LOC128092253: variants seen among roughly 807,000 people sequenced by gnomAD.
At chr6:133,977,941 C>T in the LOC128092253 span, among the ~76,000 whole-genome samples, 1 of 152,314 alleles carries the variant, frequency 6.6e-6, no homozygotes, top group South Asian at 2.1e-4. Context: ...GTTGGTTGCT[C>T]TAAGTAGACT....
At chr6:133,968,010 TC>T in the LOC128092253 span, among the ~76,000 whole-genome samples, 1 of 151,212 alleles carries the variant, frequency 6.6e-6, no homozygotes, top group Non-Finnish European at 1.5e-5. Flanking sequence ...GTGACTATTT[TC>T]TTTTTTTTTT....
At chr6:133,961,474 T>C in the LOC128092253 span, among the ~76,000 whole-genome samples, 1 of 146,692 alleles carries the variant, frequency 6.8e-6, no homozygotes, top group Non-Finnish European at 1.5e-5. Context: ...TCTTTTTTTT[T>C]TTTTTTTTTT....
the LOC128092253 span, among the ~76,000 whole-genome samples, chr6:133,975,526 A>G: frequency 1.3e-5 from 2 of 152,342 alleles, no homozygotes; most frequent in Middle Eastern, 3.4e-3. Context: ...AAAAGAAAAA[A>G]GAAATAAGCC....
At chr6:133,979,534 TAA>T in the LOC128092253 span, among the ~76,000 whole-genome samples, 1 of 152,130 alleles carries the variant, frequency 6.6e-6, no homozygotes, top group Admixed American at 6.6e-5. Context: ...TCCTGTCAAG[TAA>T]AAGTTACTTT....
chr6:133,957,631 T>A, the LOC128092253 span, among the ~76,000 whole-genome samples: 2 of 152,226 alleles, frequency 1.3e-5, no homozygotes, highest in South Asian at 4.1e-4. Flanking sequence ...TTGGGATTGG[T>A]ACAACACTTA....
chr6:133,970,754 C>G, the LOC128092253 span, among the ~76,000 whole-genome samples: 1 of 152,032 alleles, frequency 6.6e-6, no homozygotes, highest in South Asian at 2.1e-4. Context: ...GCATGCACCA[C>G]CATACCTGGC....
At chr6:133,974,773 C>G in the LOC128092253 span, among the ~76,000 whole-genome samples, 1 of 152,198 alleles carries the variant, frequency 6.6e-6, no homozygotes, top group Non-Finnish European at 1.5e-5. Flanking sequence ...CTCACACTTT[C>G]AACATCGTTT....
the LOC128092253 span, among the ~76,000 whole-genome samples, chr6:133,971,579 GTGTTGTTGTTGT>G: frequency 2.0e-5 from 3 of 150,936 alleles, no homozygotes; most frequent in African/African-American, 7.3e-5. Flanking sequence ...CAATACATAG[GTGTTGTTGTTGT>G]TGTTGTTGTT....
the LOC128092253 span, among the ~76,000 whole-genome samples, chr6:133,971,712 GT>G: frequency 6.6e-6 from 1 of 151,934 alleles, no homozygotes; most frequent in Admixed American, 6.6e-5. Flanking sequence ...TCATATACCT[GT>G]TGGCCATTGG....
At chr6:133,973,183 G>T in the LOC128092253 span, among the ~76,000 whole-genome samples, 1 of 152,152 alleles carries the variant, frequency 6.6e-6, no homozygotes, top group Non-Finnish European at 1.5e-5. Flanking sequence ...AAGGATGTGA[G>T]GTTACTTTGA....
chr6:133,971,082 T>A, the LOC128092253 span, among the ~76,000 whole-genome samples: 4 of 152,290 alleles, frequency 2.6e-5, no homozygotes, highest in African/African-American at 9.6e-5. Flanking sequence ...CCAACCTCCG[T>A]TCATTCTCAT....
At chr6:133,976,953 G>A in the LOC128092253 span, among the ~76,000 whole-genome samples, 1 of 149,282 alleles carries the variant, frequency 6.7e-6, no homozygotes, top group Non-Finnish European at 1.5e-5. Flanking sequence ...GGGCAACAAA[G>A]CGAGACTTGG....
At chr6:133,977,606 TC>T in the LOC128092253 span, among the ~76,000 whole-genome samples, 3 of 152,238 alleles carry the variant, frequency 2.0e-5, no homozygotes, top group South Asian at 6.2e-4. Context: ...GCATGAAGTT[TC>T]TTCTTCAGTA....
chr6:133,971,744 G>C, the LOC128092253 span, among the ~76,000 whole-genome samples: 1 of 152,066 alleles, frequency 6.6e-6, no homozygotes, highest in Non-Finnish European at 1.5e-5. Context: ...TTTGAGAAGT[G>C]TCTGTTAAGG....
the LOC128092253 span, among the ~76,000 whole-genome samples, chr6:133,957,404 G>A: frequency 1.3e-5 from 2 of 152,192 alleles, no homozygotes; most frequent in Admixed American, 6.5e-5. Flanking sequence ...GCACAAGATA[G>A]ACATCTGTGT....
the LOC128092253 span, among the ~76,000 whole-genome samples, chr6:133,977,052 A>G: frequency 6.6e-6 from 1 of 152,134 alleles, no homozygotes; most frequent in Non-Finnish European, 1.5e-5. Flanking sequence ...GAAAAGGGAT[A>G]TAATATGTTT....
chr6:133,971,064 T>G, the LOC128092253 span, among the ~76,000 whole-genome samples: 1 of 152,186 alleles, frequency 6.6e-6, no homozygotes, highest in Non-Finnish European at 1.5e-5. Flanking sequence ...TAATTTTAAA[T>G]CAATTGACCA....
chr6:133,965,906 T>G, the LOC128092253 span, among the ~76,000 whole-genome samples: 1 of 152,210 alleles, frequency 6.6e-6, no homozygotes, highest in African/African-American at 2.4e-5. Context: ...TTATATGAAA[T>G]TTAATTTTCA....
At chr6:133,979,894 A>G in the LOC128092253 span, among the ~76,000 whole-genome samples, 1 of 152,074 alleles carries the variant, frequency 6.6e-6, no homozygotes, top group Admixed American at 6.6e-5. Flanking sequence ...TGATCCAACC[A>G]CCTTGGCCTC....
Sources: gnomAD v4.1 joint callset for allele counts (sites outside exome capture counted in the v4.1 genomes callset) on GRCh38, gnomAD v4.1.1 for gene constraint, MANE v1.5 for transcripts.